The following DNAH5 variants were observed in gnomAD, a reference collection of about 807,000 sequenced individuals.
DNAH5 encodes axonemal beta dynein heavy chain 5.
DNAH5 carries 372 observed loss-of-function variants against 518.2 expected under a neutral mutation model. The observed-to-expected ratio is 0.72, with a 90% CI of 0.66 to 0.78. The LOEUF is 0.78. DNAH5 is among the 30% of genes least tolerant of loss of function. The pLI is 0.00. For missense variants in DNAH5, 5,523 were observed against 5,687.0 expected (o/e 0.97, Z 0.93); for synonymous variants, 2,039 against 2,025.9 (o/e 1.01, Z -0.17).
chr5:13,826,544 C>T (rs1313672198), intron 38 of DNAH5, among the ~76,000 whole-genome samples: 1 of 152,088 alleles, frequency 6.6e-6, no homozygotes, highest in African/African-American at 2.4e-5. Context: ...GGGCTTTTCC[C>T]CCTCTTCACT....
At chr5:13,817,860 C>T (rs555439088) in intron 41 of DNAH5, among the ~76,000 whole-genome samples, 166 bp from the exon 42 acceptor site, 2 of 152,172 alleles carry the variant, frequency 1.3e-5, no homozygotes, top group African/African-American at 4.8e-5. Context: ...CCATAATTAG[C>T]TTCATTATAC....
At chr5:13,935,472 T>C (rs1411037318) in intron 1 of DNAH5, among the ~76,000 whole-genome samples, 1 of 152,218 alleles carries the variant, frequency 6.6e-6, no homozygotes, top group Non-Finnish European at 1.5e-5. Flanking sequence ...TTATTTAATA[T>C]ATTTAAAAGC....
In DNAH5 at chr5:13,820,449, G is replaced by A. The variant is rs1334947617; in HGVS notation, c.6738C>T (p.Ile2246=). The stretch of plus-strand genomic sequence containing the variant: ...GCACTCTCTGCGTTTCGAATAGCTG[G>A]ATGACCTTCAGTTTCCAAGGAGGAT... ...INHPPWKLKV[I]QLFETQRVRH... The change falls in exon 41 of 79, where the codon ATC becomes ATT. Residue 2246 remains isoleucine (I), a synonymous_variant. Transcript: ENST00000265104. 6.2e-7 allele frequency: 1 copy of A among 1,614,066 alleles called. No individual in the cohort carries two copies. Among genetic ancestry groups the A allele is most frequent in the Non-Finnish European group, 8.5e-7 (1 of 1,180,032 alleles).
At chr5:13,876,571 AAAG>A in intron 22 of DNAH5, 110 bp downstream of exon 22, 1 of 1,292,890 alleles carries the variant, frequency 7.7e-7, no homozygotes, top group Non-Finnish European at 1.1e-6. Context: ...ATGCTCCCTG[AAAG>A]CACAGTGTGT....
intron 69 of DNAH5, among the ~76,000 whole-genome samples, chr5:13,728,645 G>A (rs965504914): frequency 6.6e-6 from 1 of 152,122 alleles, no homozygotes. Flanking sequence ...CACCACCAGT[G>A]ATAAGCCAAA....
At position 13,885,105 on chromosome 5, in the gene DNAH5, C is replaced by G. The variant is rs752260329; in HGVS notation, c.2867G>C (p.Arg956Pro). Residue 956 changes from arginine to proline, a missense_variant, in exon 19 of 79, where the codon CGC becomes CCC. By Grantham distance (103) the Arg-to-Pro change is moderately radical. This residue lies in a region of DNAH5 where 5,121 missense variants were observed against 5,223.3 expected (regional missense o/e 0.98). Transcript: ENST00000265104. Reference sequence around the variant, plus strand: ...ATGGTTGAAATGAGAGAGTAACTCGCGGGCTTCTTCCCCTAACATCTCAGT... The same window carrying G: ...ATGGTTGAAATGAGAGAGTAACTCGGGGGCTTCTTCCCCTAACATCTCAGT... The part of the protein sequence containing the change: ...KETEMLGEEA[R>P]ELLSHFNHQN... 37 of 1,614,106 alleles carry G rather than the reference C, an allele frequency of 2.3e-5. No individual in the cohort carries two copies. The highest frequency in any genetic ancestry group is 3.1e-5 in the Non-Finnish European group (36 of 1,180,036).
chr5:13,959,071 G>C (rs1438180584), intron 1 of DNAH5, among the ~76,000 whole-genome samples: 1 of 152,078 alleles, frequency 6.6e-6, no homozygotes, highest in Non-Finnish European at 1.5e-5. Context: ...CAATTCTCCT[G>C]CCTCAGCTAG....
chr5:13,874,012 GT>G (rs1266770231), intron 22 of DNAH5, among the ~76,000 whole-genome samples: 1 of 152,138 alleles, frequency 6.6e-6, no homozygotes, highest in Non-Finnish European at 1.5e-5. Flanking sequence ...CCAAGAAGCA[GT>G]TCCACTCCAG....
chr5:13,783,674 A>T (rs1298286483), intron 52 of DNAH5, among the ~76,000 whole-genome samples: 2 of 152,208 alleles, frequency 1.3e-5, no homozygotes, highest in Admixed American at 1.3e-4. Context: ...ACACAGATAC[A>T]CTGTACTGAA....
intron 55 of DNAH5, among the ~76,000 whole-genome samples, chr5:13,775,168 A>G (rs781592359): frequency 2.6e-5 from 3 of 114,448 alleles, no homozygotes; most frequent in Non-Finnish European, 5.6e-5. Flanking sequence ...CTCCAGTTAT[A>G]TTTACATTTT....
At chr5:13,717,956 T>A (rs1378494728) in intron 72 of DNAH5, among the ~76,000 whole-genome samples, 1 of 152,126 alleles carries the variant, frequency 6.6e-6, no homozygotes, top group Non-Finnish European at 1.5e-5. Flanking sequence ...TGCACCTGAG[T>A]ACATGCTCCA....
At chr5:13,753,126 AC>A in intron 63 of DNAH5, 106 bp downstream of exon 63, 1 of 818,582 alleles carries the variant, frequency 1.2e-6, no homozygotes, top group South Asian at 1.5e-5. Context: ...ACCTAGGATT[AC>A]AAAAACATCT....
chr5:13,724,121 T>A (rs1222862265), intron 70 of DNAH5, among the ~76,000 whole-genome samples: 1 of 152,220 alleles, frequency 6.6e-6, no homozygotes, highest in East Asian at 1.9e-4. Flanking sequence ...TTTCTCCAAC[T>A]TCAACCCAAC....
intron 52 of DNAH5, among the ~76,000 whole-genome samples, chr5:13,785,684 C>T (rs180686980): frequency 1.3e-5 from 2 of 152,210 alleles, no homozygotes; most frequent in Non-Finnish European, 1.5e-5. Context: ...CGTCTCTCCA[C>T]CCAACCCTGG....
chr5:13,693,897 T>C (rs182747299), intron 78 of DNAH5, among the ~76,000 whole-genome samples: 11 of 152,364 alleles, frequency 7.2e-5, no homozygotes, highest in Non-Finnish European at 1.5e-4. Flanking sequence ...TATGCATATA[T>C]CACTAGTGAT....
intron 21 of DNAH5, among the ~76,000 whole-genome samples, chr5:13,879,566 G>A (rs1303476541): frequency 6.6e-6 from 1 of 151,970 alleles, no homozygotes; most frequent in Non-Finnish European, 1.5e-5. Flanking sequence ...AATATCAAGA[G>A]AGAAATGCAA....
intron 28 of DNAH5, 106 bp downstream of exon 28, chr5:13,864,291 T>G: frequency 6.7e-7 from 1 of 1,484,132 alleles, no homozygotes; most frequent in South Asian, 1.1e-5. Flanking sequence ...AGGAGAAGAG[T>G]TTCAATTGTC....
At chr5:13,941,477 G>C (rs1306824353) in intron 1 of DNAH5, among the ~76,000 whole-genome samples, 1 of 152,178 alleles carries the variant, frequency 6.6e-6, no homozygotes, top group Non-Finnish European at 1.5e-5. Flanking sequence ...GAAATTTGTT[G>C]ACTTGGCCAA....
chr5:13,834,120 T>C (rs1421164596), intron 35 of DNAH5, among the ~76,000 whole-genome samples: 2 of 152,196 alleles, frequency 1.3e-5, no homozygotes, highest in African/African-American at 4.8e-5. Context: ...CATAATCAAG[T>C]TGGTTAAAGA....
Sources: allele counts gnomAD v4.1 joint callset (sites outside exome capture counted in the v4.1 genomes callset), GRCh38; gene constraint gnomAD v4.1.1; regional missense constraint gnomAD v4.1.1; transcripts MANE v1.5; gene names NCBI Gene and HGNC (gene_info 2026-07-23, HGNC 2026-07-21).